Variants in CNTN5 observed in about 807,000 individuals in gnomAD.
The protein encoded by CNTN5 is contactin 5.
In CNTN5, 77 loss-of-function variants were observed where a neutral mutation model predicts 129.1. The ratio of observed to expected loss-of-function variants is 0.60; its 90% confidence interval spans 0.50 to 0.72. The LOEUF (loss-of-function observed/expected upper bound fraction) is 0.72, where lower values mean the gene tolerates loss of function less well. Among genes scored for constraint, CNTN5 ranks in the 30% least tolerant of loss-of-function variants. CNTN5 has a pLI of 0.00. For missense variants in CNTN5, 1,478 were observed against 1,328.8 expected, an observed-to-expected ratio of 1.11 and a Z score of -1.75; for synonymous variants, 509 against 465.6, an observed-to-expected ratio of 1.09 and a Z score of -1.20.
At chr11:99,946,272 T>C (rs556898759) in intron 7 of CNTN5, among the ~76,000 whole-genome samples, 12 of 152,264 alleles carry the variant, frequency 7.9e-5, no homozygotes, top group African/African-American at 2.9e-4. Context: ...TATTTTTATT[T>C]AAGCTATAAT....
intron 1 of CNTN5, among the ~76,000 whole-genome samples, chr11:99,246,295 AC>A (rs149422552): frequency 0.095 from 14,487 of 152,226 alleles, 723 homozygotes; most frequent in South Asian, 0.14. Context: ...GAATTACACT[AC>A]CCACACATTA....
chr11:99,622,180 G>A (rs1008826946), intron 3 of CNTN5, among the ~76,000 whole-genome samples: 19 of 152,092 alleles, frequency 1.2e-4, no homozygotes, highest in African/African-American at 4.6e-4. Context: ...GTAGAATTCA[G>A]CAAGTTAATA....
At chr11:99,846,858 G>A (rs114709706) in intron 6 of CNTN5, among the ~76,000 whole-genome samples, 59 of 152,128 alleles carry the variant, frequency 3.9e-4, no homozygotes, top group African/African-American at 1.4e-3. Flanking sequence ...TTTGCCTAAG[G>A]AATTCAGATA....
At chr11:99,054,109 G>T (rs1441582709) in intron 1 of CNTN5, among the ~76,000 whole-genome samples, 1 of 151,922 alleles carries the variant, frequency 6.6e-6, no homozygotes, top group African/African-American at 2.4e-5. Context: ...AGATGCAGGA[G>T]TTTAGTCTTC....
At chr11:99,856,320 G>C (rs1046926660) in intron 6 of CNTN5, among the ~76,000 whole-genome samples, 2 of 152,118 alleles carry the variant, frequency 1.3e-5, no homozygotes, top group Non-Finnish European at 2.9e-5. Context: ...TGTCAGCCTT[G>C]GTTCAAATTA....
intron 3 of CNTN5, among the ~76,000 whole-genome samples, chr11:99,743,768 G>T (rs1943958208): frequency 6.6e-6 from 1 of 152,088 alleles, no homozygotes; most frequent in Non-Finnish European, 1.5e-5. Context: ...ACTCCCTAAT[G>T]ATAAAGGCAA....
At chr11:99,208,692 T>A (rs964894570) in intron 1 of CNTN5, among the ~76,000 whole-genome samples, 8 of 152,094 alleles carry the variant, frequency 5.3e-5, no homozygotes, top group African/African-American at 1.9e-4. Flanking sequence ...AATTTTCAAT[T>A]AGGAAATGGT....
At chr11:99,756,218 G>T (rs1438558921) in intron 3 of CNTN5, among the ~76,000 whole-genome samples, 6 of 152,038 alleles carry the variant, frequency 3.9e-5, no homozygotes, top group Non-Finnish European at 5.9e-5. Context: ...TCTAAGAACA[G>T]CAGAATAGAC....
chr11:99,865,603 A>T (rs1248515392), intron 6 of CNTN5, among the ~76,000 whole-genome samples: 1 of 152,066 alleles, frequency 6.6e-6, no homozygotes, highest in Non-Finnish European at 1.5e-5. Context: ...TAATCTAAAC[A>T]ATTACTTACA....
At chr11:99,870,579 A>G (rs1440675490) in intron 6 of CNTN5, among the ~76,000 whole-genome samples, 1 of 152,166 alleles carries the variant, frequency 6.6e-6, no homozygotes, top group East Asian at 1.9e-4. Context: ...TTTCAATTAT[A>G]AGTTTAGTCA....
intron 2 of CNTN5, among the ~76,000 whole-genome samples, chr11:99,495,527 G>A (rs1388023803): frequency 6.6e-6 from 1 of 152,122 alleles, no homozygotes; most frequent in Non-Finnish European, 1.5e-5. Context: ...AGTTTTCATG[G>A]CTTCTGAGTA....
chr11:99,740,134 G>A (rs1943843032), intron 3 of CNTN5, among the ~76,000 whole-genome samples: 1 of 152,092 alleles, frequency 6.6e-6, no homozygotes, highest in African/African-American at 2.4e-5. Context: ...TAAAGCAAAA[G>A]TGTTTTTCAA....
At chr11:99,430,810 T>C (rs933167364) in intron 2 of CNTN5, among the ~76,000 whole-genome samples, 3 of 151,994 alleles carry the variant, frequency 2.0e-5, no homozygotes, top group African/African-American at 7.2e-5. Context: ...TACATAAATA[T>C]CAAACCAAAC....
chr11:100,337,696 G>T, intron 21 of CNTN5: 1 of 560,480 alleles, frequency 1.8e-6, no homozygotes. Flanking sequence ...CTCCAGCTGT[G>T]CATATGTTTA....
intron 14 of CNTN5, among the ~76,000 whole-genome samples, chr11:100,191,628 A>G (rs933544271): frequency 4.6e-5 from 7 of 152,008 alleles, no homozygotes; most frequent in Admixed American, 1.3e-4. Flanking sequence ...TATCACTTCA[A>G]CTAGGGATTT....
intron 13 of CNTN5, 31 bp from the exon 14 acceptor site, chr11:100,191,095 G>GAAAAA: frequency 2.0e-6 from 3 of 1,473,882 alleles, no homozygotes; most frequent in African/African-American, 1.4e-5. Context: ...CAGTAAAACA[G>GAAAAA]AAAAAAAAAC....
At chr11:100,242,274 T>A (rs1949757806) in intron 16 of CNTN5, among the ~76,000 whole-genome samples, 1 of 152,196 alleles carries the variant, frequency 6.6e-6, no homozygotes, top group Non-Finnish European at 1.5e-5. Context: ...CTTATTTATT[T>A]CTCAACTCCC....
At chr11:99,267,033 C>T (rs976176580) in intron 1 of CNTN5, among the ~76,000 whole-genome samples, 6 of 151,558 alleles carry the variant, frequency 4.0e-5, no homozygotes, top group African/African-American at 1.5e-4. Context: ...TAAGAGAAGG[C>T]TTTAAAAAAA....
intron 18 of CNTN5, among the ~76,000 whole-genome samples, chr11:100,295,444 T>C (rs947584049): frequency 1.3e-5 from 2 of 151,528 alleles, no homozygotes; most frequent in East Asian, 3.9e-4. Flanking sequence ...TCACTTGTTT[T>C]TTTTTAATTT....
Sources: gnomAD v4.1 joint callset for allele counts (sites outside exome capture counted in the v4.1 genomes callset) on GRCh38, gnomAD v4.1.1 for gene constraint, MANE v1.5 for transcripts, NCBI Gene and HGNC (gene_info 2026-07-23, HGNC 2026-07-21) for gene names.